The following FOXK2 variants were observed in gnomAD, a reference collection of about 807,000 sequenced individuals.
FOXK2 encodes the protein forkhead box protein K2.
In FOXK2, 24 loss-of-function variants were observed where a neutral mutation model predicts 53.3. The ratio of observed to expected loss-of-function variants is 0.45; its 90% CI spans 0.33 to 0.63. The LOEUF (loss-of-function observed/expected upper bound fraction) is 0.63, where lower values mean the gene tolerates loss of function less well. Ranked by LOEUF, FOXK2 falls within the 30% of genes least tolerant of loss-of-function variation. The pLI is 0.03. For missense variants in FOXK2, 952 were observed against 910.5 expected (o/e 1.05, Z -0.59); for synonymous variants, 505 against 407.1 (o/e 1.24, Z -2.89).
intron 1 of FOXK2, among the ~76,000 whole-genome samples, chr17:82,549,512 G>A (rs2044656004): frequency 1.3e-5 from 2 of 151,986 alleles, no homozygotes; most frequent in South Asian, 2.1e-4. Context: ...GGAGAGGGGG[G>A]CCAAAACCCC....
rs71168116 is a variant in FOXK2 at position 82,555,885 on chromosome 17, C to CAAAAAAAA, written c.420-7445_420-7438dup. Among the ~76,000 whole-genome samples the CAAAAAAAA allele has an allele frequency of 6.2e-3, 462 of 74,216 alleles. 2 individuals are homozygous for CAAAAAAAA. The highest frequency in any genetic ancestry group is 8.8e-3 in the Non-Finnish European group (349 of 39,722). The allele number at this position is 74,216 out of a possible 152,430, so 48.7% of individuals were successfully genotyped here. ...CCTGGGCGAAAGCAAGACTCTATCA[C>CAAAAAAAA]AAAAAAAAAAAAAAAAAAAAAAAAA... On this transcript the variant is annotated intron_variant, in intron 1 of 8. Transcript: ENST00000335255.
At chr17:82,555,424 T>G (rs974827585) in intron 1 of FOXK2, among the ~76,000 whole-genome samples, 1 of 152,150 alleles carries the variant, frequency 6.6e-6, no homozygotes, top group African/African-American at 2.4e-5. Flanking sequence ...TATTCCACAG[T>G]TTTTAATTTC....
chr17:82,572,030 G>C, intron 4 of FOXK2, 160 bp downstream of exon 4: 1 of 592,504 alleles, frequency 1.7e-6, no homozygotes, highest in Non-Finnish European at 2.7e-6. Context: ...GTGCTGCCAT[G>C]CTCTGCCTCA....
chr17:82,568,345 TTGC>T, intron 3 of FOXK2, 144 bp downstream of exon 3: 1 of 988,614 alleles, frequency 1.0e-6, no homozygotes. Flanking sequence ...GATTCTGGTG[TTGC>T]TGCTGTGTTC....
intron 4 of FOXK2, among the ~76,000 whole-genome samples, chr17:82,573,052 G>C (rs1218994769): frequency 6.6e-6 from 1 of 152,110 alleles, no homozygotes; most frequent in African/African-American, 2.4e-5. Context: ...AATTAGCTGA[G>C]TGTGGTGGCT....
At chr17:82,522,493 C>G (rs568179616) in intron 1 of FOXK2, among the ~76,000 whole-genome samples, 79 of 150,672 alleles carry the variant, frequency 5.2e-4, no homozygotes, top group African/African-American at 1.6e-3. Context: ...CTCAGCCTCC[C>G]GAGTAGCTGA....
chr17:82,588,053 G>A (rs930746210), intron 8 of FOXK2, among the ~76,000 whole-genome samples: 4 of 152,132 alleles, frequency 2.6e-5, no homozygotes, highest in Non-Finnish European at 5.9e-5. Flanking sequence ...AATCCTTACC[G>A]AACGCTACGA....
intron 3 of FOXK2, among the ~76,000 whole-genome samples, chr17:82,571,186 C>T (rs1341918346): frequency 2.6e-5 from 4 of 152,204 alleles, no homozygotes; most frequent in Non-Finnish European, 5.9e-5. Flanking sequence ...TGAGGTCAAG[C>T]AGCCTTTATG....
chr17:82,587,572 G>A lies in FOXK2; in HGVS notation c.1786+300G>A, dbSNP rs75883681. The A allele has an allele frequency of 3.9e-3, 1,663 of 427,214 alleles. 11 individuals are homozygous for A. The highest frequency in any genetic ancestry group is 0.024 in the African/African-American group (1,195 of 49,660). The allele number at this position is 427,214 out of a possible 1,614,324, so 26.5% of individuals were successfully genotyped here. On this transcript the variant is annotated intron_variant, in intron 8 of 8. Coordinates refer to ENST00000335255, the MANE Select transcript of FOXK2 (RefSeq NM_004514.4). ...TGGCCTGGAAGCGGCCTGAAACGGC[G>A]GGAGCCGCCGCGTGTCTTTTCCCTT...
chr17:82,562,275 G>A (rs1185247809), intron 1 of FOXK2, among the ~76,000 whole-genome samples: 1 of 152,160 alleles, frequency 6.6e-6, no homozygotes, highest in Non-Finnish European at 1.5e-5. Context: ...AAGGGTGATA[G>A]GATTTTTTAT....
At chr17:82,536,194 T>G (rs1447406062) in intron 1 of FOXK2, among the ~76,000 whole-genome samples, 1 of 152,208 alleles carries the variant, frequency 6.6e-6, no homozygotes, top group East Asian at 1.9e-4. Context: ...TTTATTTAAG[T>G]TTTTGAGCAT....
intron 1 of FOXK2, among the ~76,000 whole-genome samples, chr17:82,557,352 A>G (rs2044739760): frequency 6.7e-6 from 1 of 149,416 alleles, no homozygotes; most frequent in Non-Finnish European, 1.5e-5. Flanking sequence ...TTTTATATAT[A>G]TATATTTTTG....
intron 2 of FOXK2, among the ~76,000 whole-genome samples, chr17:82,567,807 T>C (rs910794551): frequency 6.6e-6 from 1 of 152,200 alleles, no homozygotes; most frequent in African/African-American, 2.4e-5. Flanking sequence ...TCACATTTCA[T>C]GAGCTGACGT....
intron 1 of FOXK2, among the ~76,000 whole-genome samples, chr17:82,541,422 G>A (rs781213935): frequency 1.3e-5 from 2 of 151,376 alleles, no homozygotes; most frequent in Non-Finnish European, 2.9e-5. Context: ...ACAGGCGCCC[G>A]CCATCACGCC....
chr17:82,536,222 C>A (rs892786593), intron 1 of FOXK2, among the ~76,000 whole-genome samples: 3 of 152,148 alleles, frequency 2.0e-5, no homozygotes, highest in Non-Finnish European at 4.4e-5. Context: ...GCAGTTGTTT[C>A]AAAGTCTTTG....
intron 4 of FOXK2, among the ~76,000 whole-genome samples, chr17:82,582,092 T>C (rs1012909310): frequency 1.3e-5 from 2 of 152,232 alleles, no homozygotes; most frequent in African/African-American, 4.8e-5. Context: ...TTTAATGGCA[T>C]GACAGATTCT....
chr17:82,527,527 G>A (rs1567963415), intron 1 of FOXK2, among the ~76,000 whole-genome samples: 1 of 152,076 alleles, frequency 6.6e-6, no homozygotes, highest in African/African-American at 2.4e-5. Flanking sequence ...AACTCAGGAG[G>A]CTGAGGCAGG....
intron 8 of FOXK2, among the ~76,000 whole-genome samples, chr17:82,594,668 T>C (rs1196054436): frequency 6.6e-6 from 1 of 152,194 alleles, no homozygotes; most frequent in Non-Finnish European, 1.5e-5. Context: ...AACGTCCCCT[T>C]GTGAGTGTCT....
chr17:82,590,166 A>G (rs1598236333), intron 8 of FOXK2, among the ~76,000 whole-genome samples: 1 of 152,254 alleles, frequency 6.6e-6, no homozygotes, highest in East Asian at 1.9e-4. Context: ...CTGTTCAGAG[A>G]GAGGAGGTGG....
Sources: allele counts gnomAD v4.1 joint callset (sites outside exome capture counted in the v4.1 genomes callset), GRCh38; gene constraint gnomAD v4.1.1; transcripts MANE v1.5; gene names NCBI Gene and HGNC (gene_info 2026-07-23, HGNC 2026-07-21).